Variants in DGKB observed in about 807,000 individuals in gnomAD.
DGKB encodes the protein 90 kDa diacylglycerol kinase.
A neutral mutation model predicts 114.3 loss-of-function variants in DGKB; 67 were observed. The ratio of observed to expected loss-of-function variants is 0.59; its 90% CI spans 0.48 to 0.72. The LOEUF (loss-of-function observed/expected upper bound fraction) is 0.72, where lower values mean the gene tolerates loss of function less well. Ranked by LOEUF, DGKB falls within the 30% of genes least tolerant of loss-of-function variation. DGKB has a pLI of 0.00. For missense variants in DGKB, 907 were observed against 975.2 expected, an observed-to-expected ratio of 0.93 and a Z score of 0.93; for synonymous variants, 398 against 323.1, an observed-to-expected ratio of 1.23 and a Z score of -2.49.
In DGKB at chr7:14,233,871, G is replaced by A. The variant is rs578252040; in HGVS notation, c.2123-55720C>T. On this transcript the variant is annotated intron_variant, in intron 23 of 25. Coordinates refer to ENST00000402815, the MANE Select transcript of DGKB (RefSeq NM_001350709.2). Reference sequence around the variant, plus strand: ...ACTCCCCAGAGAGTGAGAGAAAGCCGGAAATAAAGCTTCTGTTTGTCACTC... The same window carrying A: ...ACTCCCCAGAGAGTGAGAGAAAGCCAGAAATAAAGCTTCTGTTTGTCACTC... 5.9e-5 allele frequency among the ~76,000 whole-genome samples: 9 copies of A among 152,044 alleles called. No individual in the cohort carries two copies. In the South Asian group the frequency reaches 1.7e-3, roughly 28 times the overall value.
chr7:14,278,556 G>GAAA (rs1799371985), intron 23 of DGKB, among the ~76,000 whole-genome samples: 1 of 152,074 alleles, frequency 6.6e-6, no homozygotes, highest in African/African-American at 2.4e-5. Context: ...AAAACATGGG[G>GAAA]AAAATGTTCA....
At chr7:14,672,880 T>TAAGTCA (rs1215820483) in intron 13 of DGKB, 49 bp downstream of exon 13, 1 of 1,127,902 alleles carries the variant, frequency 8.9e-7, no homozygotes. Flanking sequence ...ACGATACTGA[T>TAAGTCA]AAGTCACAGC....
At chr7:14,969,116 C>A (rs1211850613) in intron 1 of DGKB, among the ~76,000 whole-genome samples, 1 of 152,134 alleles carries the variant, frequency 6.6e-6, no homozygotes, top group Non-Finnish European at 1.5e-5. Context: ...TATCAGAGAA[C>A]AACCAAAGGT....
intron 20 of DGKB, among the ~76,000 whole-genome samples, chr7:14,484,209 T>C (rs77532854): frequency 3.4e-3 from 511 of 152,266 alleles, no homozygotes; most frequent in African/African-American, 0.011. Context: ...TAGCAAAGCC[T>C]ATATATATGT....
chr7:14,818,166 G>A (rs948274914), intron 2 of DGKB, among the ~76,000 whole-genome samples: 1 of 152,088 alleles, frequency 6.6e-6, no homozygotes, highest in African/African-American at 2.4e-5. Context: ...CTCACTGAAG[G>A]GGTCCCCTTA....
At chr7:14,233,338 GTC>G (rs1483507265) in intron 23 of DGKB, among the ~76,000 whole-genome samples, 2 of 152,072 alleles carry the variant, frequency 1.3e-5, no homozygotes, top group East Asian at 3.9e-4. Flanking sequence ...AAGTCTCTCT[GTC>G]TCTCTTTTTC....
chr7:14,351,501 C>A (rs756464263), intron 21 of DGKB, among the ~76,000 whole-genome samples: 1 of 152,150 alleles, frequency 6.6e-6, no homozygotes, highest in Non-Finnish European at 1.5e-5. Flanking sequence ...TTCTTGAAGT[C>A]CCCTGGGAAA....
At chr7:14,666,763 C>T (rs972440477) in intron 13 of DGKB, among the ~76,000 whole-genome samples, 5 of 151,706 alleles carry the variant, frequency 3.3e-5, no homozygotes, top group Non-Finnish European at 7.4e-5. Flanking sequence ...ATAATTGTTA[C>T]CAGAACATTT....
At chr7:14,916,615 G>A (rs992228456) in intron 1 of DGKB, among the ~76,000 whole-genome samples, 2 of 152,008 alleles carry the variant, frequency 1.3e-5, no homozygotes, top group Non-Finnish European at 1.5e-5. Context: ...CTTTATGTGT[G>A]TGCACCTAAA....
chr7:14,818,661 A>C (rs1423325843), intron 2 of DGKB, among the ~76,000 whole-genome samples: 1 of 152,206 alleles, frequency 6.6e-6, no homozygotes, highest in Non-Finnish European at 1.5e-5. Context: ...GAAGAATACA[A>C]TCACCTCCAG....
At chr7:14,881,321 A>G (rs1854194103) in intron 1 of DGKB, among the ~76,000 whole-genome samples, 2 of 152,136 alleles carry the variant, frequency 1.3e-5, no homozygotes, top group Admixed American at 1.3e-4. Flanking sequence ...TTATTTCCAT[A>G]GTCCTGTCAC....
At chr7:14,373,105 T>A (rs537115701) in intron 21 of DGKB, among the ~76,000 whole-genome samples, 2 of 152,300 alleles carry the variant, frequency 1.3e-5, no homozygotes, top group African/African-American at 4.8e-5. Flanking sequence ...TCTTGCACAT[T>A]GAATGACAAA....
At chr7:14,322,390 T>C (rs1420755986) in intron 23 of DGKB, among the ~76,000 whole-genome samples, 3 of 152,114 alleles carry the variant, frequency 2.0e-5, no homozygotes, top group Non-Finnish European at 4.4e-5. Flanking sequence ...GAGTAGTGGG[T>C]GTAGGAGTCT....
chr7:14,467,966 G>T (rs1304457131), intron 21 of DGKB, among the ~76,000 whole-genome samples: 1 of 151,772 alleles, frequency 6.6e-6, no homozygotes, highest in African/African-American at 2.4e-5. Flanking sequence ...TTACAACGAG[G>T]GTCCTCACAA....
intron 23 of DGKB, among the ~76,000 whole-genome samples, chr7:14,318,704 T>C (rs1213555675): frequency 1.3e-5 from 2 of 152,066 alleles, no homozygotes; most frequent in Non-Finnish European, 2.9e-5. Flanking sequence ...GTAAACTAGT[T>C]CACCCATTGT....
At chr7:14,261,271 T>C (rs1475089763) in intron 23 of DGKB, among the ~76,000 whole-genome samples, 1 of 151,618 alleles carries the variant, frequency 6.6e-6, no homozygotes, top group East Asian at 1.9e-4. Context: ...AAACTATAAA[T>C]GTTTTGTATC....
intron 20 of DGKB, among the ~76,000 whole-genome samples, chr7:14,498,912 A>C (rs1785703119): frequency 1.3e-5 from 2 of 151,700 alleles, no homozygotes; most frequent in African/African-American, 4.8e-5. Context: ...GATGGGCTGG[A>C]AACTGGGTTT....
At chr7:14,570,152 T>C (rs1798157281) in intron 20 of DGKB, among the ~76,000 whole-genome samples, 1 of 151,534 alleles carries the variant, frequency 6.6e-6, no homozygotes, top group African/African-American at 2.4e-5. Context: ...TTTTTTGTTT[T>C]TCACCATATG....
chr7:14,405,234 A>G (rs1823758125), intron 21 of DGKB, among the ~76,000 whole-genome samples: 1 of 151,994 alleles, frequency 6.6e-6, no homozygotes, highest in African/African-American at 2.4e-5. Flanking sequence ...TAACCTTGTC[A>G]GTATCATTCT....
Sources: gnomAD v4.1 joint callset for allele counts (sites outside exome capture counted in the v4.1 genomes callset) on GRCh38, gnomAD v4.1.1 for gene constraint, MANE v1.5 for transcripts, NCBI Gene and HGNC (gene_info 2026-07-23, HGNC 2026-07-21) for gene names.